SGCD: variants seen among roughly 807,000 people sequenced by gnomAD.
SGCD encodes the protein sarcoglycan delta, also known as delta-sarcoglycan.
Under a neutral mutation model 36.6 loss-of-function variants are expected in SGCD, and 18 were observed. The ratio of observed to expected loss-of-function variants is 0.49; its 90% CI spans 0.34 to 0.73. SGCD has a LOEUF of 0.73. Ranked by LOEUF, SGCD falls within the 30% of genes least tolerant of loss-of-function variation. SGCD has a pLI of 0.01. For synonymous variants in SGCD, 133 were observed against 130.6 expected, an observed-to-expected ratio of 1.02 and a Z score of -0.12; for missense variants, 387 against 346.7, an observed-to-expected ratio of 1.12 and a Z score of -0.92.
intron 7 of SGCD, among the ~76,000 whole-genome samples, chr5:156,649,525 G>A (rs1268831763): frequency 1.3e-5 from 2 of 152,146 alleles, no homozygotes; most frequent in Non-Finnish European, 2.9e-5. Context: ...GGAATACTAT[G>A]CAGCCATAAA....
At chr5:155,926,523 A>G (rs1561652435) in intron 1 of SGCD, among the ~76,000 whole-genome samples, 1 of 152,262 alleles carries the variant, frequency 6.6e-6, no homozygotes, top group Non-Finnish European at 1.5e-5. Flanking sequence ...ATAAAGTAAA[A>G]GGATATATCT....
chr5:155,908,503 G>A (rs1172285959), intron 1 of SGCD, among the ~76,000 whole-genome samples: 1 of 152,132 alleles, frequency 6.6e-6, no homozygotes, highest in Non-Finnish European at 1.5e-5. Context: ...CTGCTTTACA[G>A]ATGAAGACAT....
At chr5:156,024,634 A>G (rs950560987) in intron 1 of SGCD, among the ~76,000 whole-genome samples, 1 of 152,142 alleles carries the variant, frequency 6.6e-6, no homozygotes, top group Non-Finnish European at 1.5e-5. Context: ...TGATTCCTGC[A>G]GTGTTTCCCT....
chr5:155,815,246 T>C, the SGCD span, among the ~76,000 whole-genome samples: 4 of 152,322 alleles, frequency 2.6e-5, no homozygotes, highest in East Asian at 7.7e-4. Flanking sequence ...ATTTGCCTGT[T>C]TGCTATATAT....
chr5:156,501,463 A>G (rs1009345964), intron 3 of SGCD, among the ~76,000 whole-genome samples: 1 of 152,192 alleles, frequency 6.6e-6, no homozygotes, highest in African/African-American at 2.4e-5. Flanking sequence ...TGCTACTCTG[A>G]TTCTCTTTAT....
chr5:156,029,832 G>A (rs1390927797), intron 1 of SGCD, among the ~76,000 whole-genome samples: 1 of 151,818 alleles, frequency 6.6e-6, no homozygotes, highest in Non-Finnish European at 1.5e-5. Flanking sequence ...AAAAAAATTT[G>A]TATTGACAAT....
intron 1 of SGCD, among the ~76,000 whole-genome samples, chr5:156,113,400 A>T (rs1053178762): frequency 2.6e-5 from 4 of 152,086 alleles, no homozygotes; most frequent in African/African-American, 4.8e-5. Context: ...TGTTTCAGGG[A>T]CTGGGAATAC....
At chr5:156,580,095 G>A (rs1010631485) in intron 4 of SGCD, among the ~76,000 whole-genome samples, 1 of 152,270 alleles carries the variant, frequency 6.6e-6, no homozygotes. Flanking sequence ...AGGAGCTCTT[G>A]TAAGGCAGGC....
At chr5:156,451,502 A>T (rs908327692) in intron 3 of SGCD, among the ~76,000 whole-genome samples, 1 of 152,186 alleles carries the variant, frequency 6.6e-6, no homozygotes, top group East Asian at 1.9e-4. Flanking sequence ...ATCGGAGTCC[A>T]TTAGGCAATG....
intron 7 of SGCD, among the ~76,000 whole-genome samples, chr5:156,734,798 G>A (rs1229079092): frequency 6.6e-6 from 1 of 152,078 alleles, no homozygotes; most frequent in African/African-American, 2.4e-5. Flanking sequence ...CTTGCATTGG[G>A]TTACAATGTA....
the SGCD span, among the ~76,000 whole-genome samples, chr5:155,831,413 C>A: frequency 3.9e-5 from 6 of 152,318 alleles, no homozygotes; most frequent in Non-Finnish European, 5.9e-5. Context: ...CCTCTTTTAA[C>A]CTCTTGCTGA....
chr5:155,906,709 A>G (rs1756518690), intron 1 of SGCD, among the ~76,000 whole-genome samples: 1 of 152,106 alleles, frequency 6.6e-6, no homozygotes, highest in African/African-American at 2.4e-5. Context: ...AAGAAAAGTT[A>G]CAAGCTAGCA....
chr5:156,496,560 C>T (rs563992887), intron 3 of SGCD, among the ~76,000 whole-genome samples: 47 of 152,096 alleles, frequency 3.1e-4, no homozygotes, highest in Non-Finnish European at 5.7e-4. Flanking sequence ...TCTGTCTTCT[C>T]TGAGTCGGGG....
intron 6 of SGCD, among the ~76,000 whole-genome samples, chr5:156,628,456 G>C (rs977956670): frequency 6.6e-6 from 1 of 152,176 alleles, no homozygotes; most frequent in Non-Finnish European, 1.5e-5. Flanking sequence ...CTTATTTAGA[G>C]AATGTTTCTT....
At chr5:155,820,040 C>T in the SGCD span, among the ~76,000 whole-genome samples, 35 of 152,042 alleles carry the variant, frequency 2.3e-4, no homozygotes, top group Non-Finnish European at 4.9e-4. Context: ...ATTTGGAGCT[C>T]TTAGTATATT....
intron 1 of SGCD, among the ~76,000 whole-genome samples, chr5:156,001,035 T>C (rs148022865): frequency 6.6e-6 from 1 of 152,136 alleles, no homozygotes; most frequent in Non-Finnish European, 1.5e-5. Context: ...CCAAGGGATA[T>C]CCATCATTTA....
chr5:155,993,627 G>T (rs146667579), intron 1 of SGCD, among the ~76,000 whole-genome samples: 2 of 152,292 alleles, frequency 1.3e-5, no homozygotes, highest in East Asian at 3.9e-4. Context: ...TTACTGGCAT[G>T]AGCCACTGTG....
At chr5:155,793,456 T>C in the SGCD span, among the ~76,000 whole-genome samples, 4 of 152,178 alleles carry the variant, frequency 2.6e-5, no homozygotes, top group Admixed American at 2.0e-4. Flanking sequence ...AGATAGTAGA[T>C]TATAATATCA....
chr5:156,555,685 A>G (rs1204251109), intron 4 of SGCD, among the ~76,000 whole-genome samples: 1 of 148,292 alleles, frequency 6.7e-6, no homozygotes, highest in Non-Finnish European at 1.5e-5. Context: ...TTTTTTTTTC[A>G]AGGTTGTTTT....
Sources: allele counts gnomAD v4.1 joint callset (sites outside exome capture counted in the v4.1 genomes callset), GRCh38; gene constraint gnomAD v4.1.1; transcripts MANE v1.5; gene names NCBI Gene and HGNC (gene_info 2026-07-23, HGNC 2026-07-21).